The following ROBO1 variants were observed in gnomAD, a reference collection of about 807,000 sequenced individuals.
ROBO1 encodes roundabout guidance receptor 1, also known as roundabout homolog 1.
ROBO1 carries 149 observed loss-of-function variants against 195.9 expected under a neutral mutation model. That is an observed-to-expected ratio of 0.76 (90% CI 0.67 to 0.87). The LOEUF is 0.87. Ranked by LOEUF, ROBO1 falls within the 40% of genes least tolerant of loss-of-function variation. The pLI is 0.00. For synonymous variants in ROBO1, 816 were observed against 733.2 expected, an observed-to-expected ratio of 1.11 and a Z score of -1.82; for missense variants, 1,933 against 2,068.3, an observed-to-expected ratio of 0.93 and a Z score of 1.27.
chr3:79,709,742 A>G (rs778488564), intron 1 of ROBO1, among the ~76,000 whole-genome samples: 6 of 151,924 alleles, frequency 3.9e-5, no homozygotes, highest in Middle Eastern at 3.2e-3. Context: ...CGAATCACCA[A>G]TGTGATGCTA....
chr3:79,294,277 G>A (rs184253591), intron 2 of ROBO1, among the ~76,000 whole-genome samples: 5 of 151,956 alleles, frequency 3.3e-5, no homozygotes, highest in Non-Finnish European at 5.9e-5. Context: ...CAGAACAGAC[G>A]CCTCAGAAAT....
chr3:79,381,823 G>C (rs2130376), intron 2 of ROBO1, among the ~76,000 whole-genome samples: 5 of 152,042 alleles, frequency 3.3e-5, no homozygotes, highest in South Asian at 4.1e-4. Flanking sequence ...TAATATGCAT[G>C]TTATCAAGAG....
At chr3:79,536,285 C>T (rs2107627159) in intron 2 of ROBO1, among the ~76,000 whole-genome samples, 1 of 152,158 alleles carries the variant, frequency 6.6e-6, no homozygotes, top group Admixed American at 6.5e-5. Context: ...CAAATGCATA[C>T]ACACATGATC....
At chr3:78,937,613 C>T (rs1261167419) in intron 4 of ROBO1, among the ~76,000 whole-genome samples, 1 of 152,102 alleles carries the variant, frequency 6.6e-6, no homozygotes, top group African/African-American at 2.4e-5. Flanking sequence ...TCTTATTCAA[C>T]TGCAATATAA....
chr3:78,700,477 G>A (rs975566778), intron 8 of ROBO1, among the ~76,000 whole-genome samples: 3 of 152,154 alleles, frequency 2.0e-5, no homozygotes, highest in Admixed American at 2.0e-4. Flanking sequence ...TCAACTGGTA[G>A]TTAAACAACT....
rs1559651811 is a variant in ROBO1, at chr3:78,617,775, T to C, written c.4142A>G (p.Asp1381Gly). 6.2e-7 allele frequency: 1 copy of C among 1,613,884 alleles called. No individual in the cohort carries two copies. The change falls in exon 27 of 31, where the codon GAC becomes GGC. Residue 1381 changes from aspartate to glycine, a missense_variant. By Grantham distance (94) the Asp-to-Gly change is moderately conservative. Coordinates refer to ENST00000464233, the MANE Select transcript of ROBO1 (RefSeq NM_002941.4). ...ACTGGAGCGTCCGCTGGAAATGTTG[T>C]CCTCCTCTGAGGCTGAGCCCCAGCC... ...INGWGSASEEDNISSGRSSVS... is the reference protein window; with the variant it reads ...INGWGSASEEGNISSGRSSVS...
intron 2 of ROBO1, among the ~76,000 whole-genome samples, chr3:79,383,541 C>T (rs1327926487): frequency 6.6e-6 from 1 of 152,014 alleles, no homozygotes; most frequent in Non-Finnish European, 1.5e-5. Flanking sequence ...AACAGTCAGT[C>T]TCATCTCTTT....
At chr3:78,925,235 G>T (rs1240373639) in intron 4 of ROBO1, among the ~76,000 whole-genome samples, 1 of 152,066 alleles carries the variant, frequency 6.6e-6, no homozygotes, top group African/African-American at 2.4e-5. Flanking sequence ...TATAATATCT[G>T]CTGTTTAGTA....
chr3:79,586,421 T>G (rs1943831924), intron 2 of ROBO1, among the ~76,000 whole-genome samples: 1 of 151,800 alleles, frequency 6.6e-6, no homozygotes, highest in Non-Finnish European at 1.5e-5. Flanking sequence ...AATTTCACAC[T>G]CCAGGCTTGT....
intron 1 of ROBO1, among the ~76,000 whole-genome samples, chr3:79,646,473 C>A (rs1014732667): frequency 7.9e-5 from 12 of 151,990 alleles, no homozygotes; most frequent in Non-Finnish European, 5.9e-5. Flanking sequence ...TAAATTAGAA[C>A]AATTACTATG....
chr3:78,774,391 A>G (rs2108445714), intron 4 of ROBO1, among the ~76,000 whole-genome samples: 1 of 152,172 alleles, frequency 6.6e-6, no homozygotes, highest in Admixed American at 6.5e-5. Flanking sequence ...GCTCACCGCA[A>G]GCTACGCCTC....
intron 3 of ROBO1, among the ~76,000 whole-genome samples, chr3:79,046,389 G>A (rs575092572): frequency 1.4e-4 from 21 of 152,108 alleles, no homozygotes; most frequent in Admixed American, 2.6e-4. Context: ...GAGACCCGGA[G>A]TTAAAGGCAC....
chr3:79,312,381 A>G (rs1333909051), intron 2 of ROBO1, among the ~76,000 whole-genome samples: 1 of 152,208 alleles, frequency 6.6e-6, no homozygotes, highest in East Asian at 1.9e-4. Context: ...TCATTTGTTT[A>G]CTAGTATAGG....
chr3:79,651,403 G>T (rs1413729287), intron 1 of ROBO1, among the ~76,000 whole-genome samples: 1 of 152,050 alleles, frequency 6.6e-6, no homozygotes, highest in Non-Finnish European at 1.5e-5. Flanking sequence ...AATATTAAAA[G>T]AAAGGAATAC....
At chr3:78,742,744 A>T (rs2082562907) in intron 5 of ROBO1, among the ~76,000 whole-genome samples, 1 of 152,182 alleles carries the variant, frequency 6.6e-6, no homozygotes, top group Non-Finnish European at 1.5e-5. Flanking sequence ...AAAGTTATTT[A>T]TATATTAACA....
chr3:79,377,980 C>T (rs895980001), intron 2 of ROBO1, among the ~76,000 whole-genome samples: 1 of 152,150 alleles, frequency 6.6e-6, no homozygotes, highest in African/African-American at 2.4e-5. Flanking sequence ...AATGGCAGTC[C>T]TCATGTTCTT....
intron 2 of ROBO1, among the ~76,000 whole-genome samples, chr3:79,409,588 T>C (rs549581433): frequency 6.6e-6 from 1 of 152,284 alleles, no homozygotes; most frequent in Admixed American, 6.5e-5. Context: ...TAGTTGAGAA[T>C]GTCTCAGTAA....
In ROBO1 at chr3:79,364,234, G is replaced by GTATATA. The variant is rs10634266; in HGVS notation, c.88+225589_88+225590insTATATA. ...AAAACGAAACTATATAAATGTGTGT[G>GTATATA]TGTATATATATATATATACATATAT... On this transcript the variant is annotated intron_variant, in intron 2 of 30. Coordinates refer to ENST00000464233, the MANE Select transcript of ROBO1 (RefSeq NM_002941.4). Among the ~76,000 whole-genome samples the GTATATA allele has an allele frequency of 4.5e-3, 662 of 145,826 alleles. 2 individuals are homozygous for GTATATA. The highest frequency in any genetic ancestry group is 8.1e-3 in the South Asian group (38 of 4,680).
At chr3:79,332,774 C>T (rs2034499593) in intron 2 of ROBO1, among the ~76,000 whole-genome samples, 1 of 152,126 alleles carries the variant, frequency 6.6e-6, no homozygotes, top group Non-Finnish European at 1.5e-5. Context: ...TAATTAAGTC[C>T]TAAAGAATTT....
Sources: allele counts gnomAD v4.1 joint callset (sites outside exome capture counted in the v4.1 genomes callset), GRCh38; gene constraint gnomAD v4.1.1; transcripts MANE v1.5; gene names NCBI Gene and HGNC (gene_info 2026-07-23, HGNC 2026-07-21).